The following RGS6 variants were observed in gnomAD, a reference collection of about 807,000 sequenced individuals.
The protein encoded by RGS6 is regulator of G protein signaling 6, also known as regulator of G-protein signaling 6.
Under a neutral mutation model 78.5 loss-of-function variants are expected in RGS6, and 30 were observed. That is an observed-to-expected ratio of 0.38 (90% CI 0.29 to 0.52). The LOEUF (loss-of-function observed/expected upper bound fraction) is 0.52, where lower values mean the gene tolerates loss of function less well. Among genes scored for constraint, RGS6 ranks in the 20% least tolerant of loss-of-function variants. The pLI is 0.85. For missense variants in RGS6, 495 were observed against 609.7 expected, an observed-to-expected ratio of 0.81 and a Z score of 1.98; for synonymous variants, 206 against 206.0, an observed-to-expected ratio of 1.00 and a Z score of 0.00.
In RGS6 at chr14:72,058,209, TG is replaced by T. The variant is rs2093715008; in HGVS notation, c.84+93335del. Reference sequence around the variant, plus strand: ...GGCTTCAACAGGGGTTTTTAAAACTTGTGCTAGAATACTCATCTTCCAAAAA... The same window carrying T: ...GGCTTCAACAGGGGTTTTTAAAACTTTGCTAGAATACTCATCTTCCAAAAA... On this transcript the variant is annotated intron_variant, in intron 2 of 17. Coordinates refer to ENST00000553525, the MANE Select transcript of RGS6 (RefSeq NM_001204424.2). Among the ~76,000 whole-genome samples the T allele has an allele frequency of 7.9e-5, 12 of 152,258 alleles. No homozygotes were observed. The South Asian group carries it at 2.1e-3, about 26-fold the overall frequency.
chr14:72,397,264 C>T (rs1451058342), intron 3 of RGS6, among the ~76,000 whole-genome samples: 1 of 152,176 alleles, frequency 6.6e-6, no homozygotes, highest in African/African-American at 2.4e-5. Context: ...AGGTCCTTCA[C>T]ATCCCTTGTA....
chr14:72,176,493 G>A (rs1433920310), intron 2 of RGS6, among the ~76,000 whole-genome samples: 1 of 152,210 alleles, frequency 6.6e-6, no homozygotes, highest in Non-Finnish European at 1.5e-5. Context: ...AGAGCCTGCT[G>A]AGCGCATAGC....
the RGS6 span, among the ~76,000 whole-genome samples, chr14:71,873,597 G>A: frequency 1.3e-5 from 2 of 152,124 alleles, no homozygotes; most frequent in Non-Finnish European, 2.9e-5. Flanking sequence ...TATATTGCCT[G>A]TTCACTCTGA....
At chr14:72,281,144 C>CTTTTTT (rs11381940) in intron 2 of RGS6, among the ~76,000 whole-genome samples, 6 of 112,862 alleles carry the variant, frequency 5.3e-5, no homozygotes, top group African/African-American at 1.7e-4. Flanking sequence ...AAACAAGATT[C>CTTTTTT]TTTTTTTTTT....
At chr14:72,049,687 G>A (rs2093103840) in intron 2 of RGS6, among the ~76,000 whole-genome samples, 1 of 152,124 alleles carries the variant, frequency 6.6e-6, no homozygotes, top group Non-Finnish European at 1.5e-5. Context: ...ACAGTAGTTG[G>A]AGCTTTGTCT....
rs745409035 is a variant in RGS6, at chr14:72,052,985, C to CTTTCTTTCTTTCTT, written c.84+88111_84+88112insTTCTTTCTTTCTTT. Among the ~76,000 whole-genome samples, 529 of 53,274 alleles carry CTTTCTTTCTTTCTT rather than the reference C, an allele frequency of 9.9e-3. 3 individuals carry two copies. Among genetic ancestry groups the CTTTCTTTCTTTCTT allele is most frequent in the East Asian group, 0.021 (29 of 1,412 alleles). 34.9% of individuals were successfully genotyped at this position (53,274 alleles called of 152,430 possible). The stretch of plus-strand genomic sequence containing the variant: ...TCTTTCTTTCTTTCTTTCTTTCTTT[C>CTTTCTTTCTTTCTT]TCTCTCTCTCTCTCTCTCTCTTTCT... On this transcript the variant is annotated intron_variant, in intron 2 of 17. Transcript: ENST00000553525.
At chr14:72,040,123 A>G (rs2153374283) in intron 2 of RGS6, among the ~76,000 whole-genome samples, 1 of 152,166 alleles carries the variant, frequency 6.6e-6, no homozygotes, top group African/African-American at 2.4e-5. Context: ...TTATTTTTTA[A>G]GCTTTTATCT....
chr14:72,478,326 A>C lies in RGS6; in HGVS notation c.851A>C (p.Glu284Ala). 2.5e-6 allele frequency: 4 copies of C among 1,603,294 alleles called. No homozygotes were observed. The highest frequency in any genetic ancestry group is 3.4e-6 in the Non-Finnish European group (4 of 1,170,640). ...TGTTTGAAAATGTCCAAAGTGGCTG[A>C]AAGGTATGTTTTCCTTTAATAATAT... The part of the protein sequence containing the change: ...RHCLKMSKVA[E>A]SLIAYTEQYV... Residue 284 changes from glutamate to alanine, a missense_variant, in exon 12 of 18, where the codon GAA becomes GCA. Transcript: ENST00000553525.
intron 2 of RGS6, among the ~76,000 whole-genome samples, chr14:72,315,932 G>A (rs569751476): frequency 6.6e-6 from 1 of 152,302 alleles, no homozygotes; most frequent in African/African-American, 2.4e-5. Flanking sequence ...CTACCACAGA[G>A]GCCAGAAACC....
chr14:72,000,837 C>T (rs2083288023), intron 2 of RGS6, among the ~76,000 whole-genome samples: 1 of 152,116 alleles, frequency 6.6e-6, no homozygotes. Flanking sequence ...AGTGTGTGTT[C>T]TTCTCTTGAG....
intron 2 of RGS6, among the ~76,000 whole-genome samples, chr14:72,343,107 A>G (rs1002142649): frequency 1.3e-5 from 2 of 152,228 alleles, no homozygotes; most frequent in Non-Finnish European, 1.5e-5. Flanking sequence ...TATTGCTGCT[A>G]TAACAAATTA....
intron 2 of RGS6, among the ~76,000 whole-genome samples, chr14:71,998,075 C>T (rs1463785950): frequency 2.6e-5 from 4 of 152,114 alleles, no homozygotes; most frequent in Non-Finnish European, 5.9e-5. Flanking sequence ...TTTAGGGAGA[C>T]ATGAGACATC....
chr14:72,359,686 A>T (rs989829338), intron 3 of RGS6, among the ~76,000 whole-genome samples: 4 of 152,226 alleles, frequency 2.6e-5, no homozygotes, highest in African/African-American at 4.8e-5. Flanking sequence ...CAGCAAAAGA[A>T]ATAGAACAAG....
At position 72,509,589 on chromosome 14, in the gene RGS6, G is replaced by A. The variant is rs34566003; in HGVS notation, c.966-565G>A. 4.2e-3 allele frequency among the ~76,000 whole-genome samples: 637 copies of A among 152,294 alleles called. 2 individuals are homozygous for A. The highest frequency in any genetic ancestry group is 7.2e-3 in the Non-Finnish European group (491 of 68,026). ...ATGCTTGAGACGGTGTCTAGCACAC[G>A]GTAAGCACTGTGCATGGTTGTTAAA... On this transcript the variant is annotated intron_variant, in intron 13 of 17. Transcript: ENST00000553525.
chr14:72,346,847 C>G (rs931771829), intron 2 of RGS6, among the ~76,000 whole-genome samples: 1 of 152,202 alleles, frequency 6.6e-6, no homozygotes, highest in Admixed American at 6.5e-5. Flanking sequence ...TCACTCCTCT[C>G]GCACACTCTT....
chr14:72,069,542 A>G (rs1434245243), intron 2 of RGS6, among the ~76,000 whole-genome samples: 3 of 151,740 alleles, frequency 2.0e-5, no homozygotes, highest in African/African-American at 7.3e-5. Context: ...ATGATTTTTT[A>G]AAACTTATTT....
the RGS6 span, among the ~76,000 whole-genome samples, chr14:71,870,568 G>A: frequency 6.6e-6 from 1 of 152,176 alleles, no homozygotes; most frequent in South Asian, 2.1e-4. Flanking sequence ...GGAATGAGGC[G>A]TTTCCACAGT....
Position 72,202,290 on chromosome 14 carries a change from G to A in RGS6, c.85-149805G>A, listed in dbSNP as rs149583521. 5.2e-3 allele frequency among the ~76,000 whole-genome samples: 786 copies of A among 152,170 alleles called. 6 individuals carry two copies. Among genetic ancestry groups the A allele is most frequent in the African/African-American group, 0.017 (709 of 41,504 alleles). On this transcript the variant is annotated intron_variant, in intron 2 of 17. Transcript: ENST00000553525. ...AACCCTACTGCACAGTTAGAAGAAG[G>A]GCCACATTAATTACCCGAGGATACA... is the stretch of plus-strand genomic sequence containing the variant.
intron 2 of RGS6, among the ~76,000 whole-genome samples, chr14:72,335,504 A>T (rs2075863397): frequency 6.6e-6 from 1 of 152,304 alleles, no homozygotes; most frequent in South Asian, 2.1e-4. Flanking sequence ...GCATTGGCTC[A>T]ACAGGTGCTT....
Sources: gnomAD v4.1 joint callset for allele counts (sites outside exome capture counted in the v4.1 genomes callset) on GRCh38, gnomAD v4.1.1 for gene constraint, MANE v1.5 for transcripts, NCBI Gene and HGNC (gene_info 2026-07-23, HGNC 2026-07-21) for gene names.